The following ABCA13 variants were observed in gnomAD, a reference collection of about 807,000 sequenced individuals.
ABCA13 encodes ATP-binding cassette sub-family A member 13.
ABCA13 carries 476 observed loss-of-function variants against 478.7 expected under a neutral mutation model. That is an observed-to-expected ratio of 0.99 (90% CI 0.92 to 1.07). The LOEUF is 1.07. Ranked by LOEUF, ABCA13 falls within the 50% of genes least tolerant of loss-of-function variation. The probability of loss-of-function intolerance (pLI) is 0.00; values close to 1 mark genes in which losing one functional copy is unlikely to be tolerated. For synonymous variants in ABCA13, 2,252 were observed against 2,158.9 expected (o/e 1.04, Z -1.20); for missense variants, 6,060 against 5,910.6 (o/e 1.03, Z -0.83).
Position 48,646,415 on chromosome 7 carries a change from G to A in ABCA13, c.*903G>A, listed in dbSNP as rs1381960932. ...GACCTATTGAATCTCAAATTCTGGG[G>A]CTTAAACAAGCACATTCCAAGTTAA... On this transcript the variant is annotated 3_prime_UTR_variant, in exon 62 of 62. Coordinates refer to ENST00000435803, the MANE Select transcript of ABCA13 (RefSeq NM_152701.5). The A allele has an allele frequency of 6.6e-6, 1 of 152,148 alleles. No individual in the cohort carries two copies. Among genetic ancestry groups the A allele is most frequent in the African/African-American group, 2.4e-5 (1 of 41,434 alleles). 9.4% of individuals were successfully genotyped at this position (152,148 alleles called of 1,614,324 possible).
chr7:48,297,279 T>C lies in ABCA13; in HGVS notation c.9167T>C (p.Met3056Thr). The part of the protein sequence containing the change: ...EETWSSGNPI[M>T]TFLSNFTVTE... ...ACTTGGTCATCAGGGAATCCCATCA[T>C]GACTTTTCTCAGCAATTTCACAGTA... Residue 3056 changes from methionine (M) to threonine (T), a missense_variant, in exon 22 of 62, where the codon ATG (methionine) becomes ACG (threonine). Met to Thr is a moderately conservative substitution (Grantham distance 81). This residue lies in a region of ABCA13 where 4,423 missense variants were observed against 4,309.1 expected (regional missense o/e 1.03). Transcript: ENST00000435803. 3 of 1,609,752 alleles carry C rather than the reference T, an allele frequency of 1.9e-6. No homozygotes were observed. Among genetic ancestry groups the C allele is most frequent in the Non-Finnish European group, 2.5e-6 (3 of 1,177,962 alleles).
intron 47 of ABCA13, among the ~76,000 whole-genome samples, chr7:48,487,569 G>C (rs1829450706): frequency 6.6e-6 from 1 of 152,052 alleles, no homozygotes; most frequent in South Asian, 2.1e-4. Flanking sequence ...CCTTAATTCA[G>C]GGCAGGGACT....
intron 29 of ABCA13, among the ~76,000 whole-genome samples, chr7:48,344,754 G>C (rs1289138089): frequency 6.6e-6 from 1 of 152,132 alleles, no homozygotes; most frequent in African/African-American, 2.4e-5. Flanking sequence ...CCTGTCCTCT[G>C]TAATCCATCT....
At position 48,389,226 on chromosome 7, in the gene ABCA13, T is replaced by G. The variant is rs1218783195; in HGVS notation, c.11654+6T>G. The G allele has an allele frequency of 6.2e-7, 1 of 1,611,962 alleles. No homozygotes were observed. Among genetic ancestry groups the G allele is most frequent in the African/African-American group, 1.3e-5 (1 of 74,866 alleles). ...GCCGGGAAAACCACTATCATGTGGGTCCCATTTTACCCTTATCAAACACTG... is the reference window on the plus strand; with the variant it reads ...GCCGGGAAAACCACTATCATGTGGGGCCCATTTTACCCTTATCAAACACTG... On this transcript the variant is annotated splice_donor_region_variant and intron_variant, in intron 37 of 61. Coordinates refer to ENST00000435803, the MANE Select transcript of ABCA13 (RefSeq NM_152701.5).
At chr7:48,543,839 A>G (rs1784574026) in intron 55 of ABCA13, among the ~76,000 whole-genome samples, 1 of 150,292 alleles carries the variant, frequency 6.7e-6, no homozygotes, top group African/African-American at 2.5e-5. Flanking sequence ...GGACACTGTT[A>G]TATGCTTATC....
chr7:48,297,254 A>G lies in ABCA13; in HGVS notation c.9142A>G (p.Thr3048Ala). Residue 3048 changes from threonine to alanine, a missense_variant, in exon 22 of 62, where the codon ACT becomes GCT. Coordinates refer to ENST00000435803, the MANE Select transcript of ABCA13 (RefSeq NM_152701.5). ...LYMLAKSLEE[T>A]WSSGNPIMTF... is the part of the protein sequence containing the mutation. Reference sequence around the variant, plus strand: ...TAGGTTGGCCAAAAGCCTCGAGGAAACTTGGTCATCAGGGAATCCCATCAT... The same window carrying G: ...TAGGTTGGCCAAAAGCCTCGAGGAAGCTTGGTCATCAGGGAATCCCATCAT... 3.7e-6 allele frequency: 6 copies of G among 1,607,816 alleles called. No individual in the cohort carries two copies. Among genetic ancestry groups the G allele is most frequent in the Non-Finnish European group, 5.1e-6 (6 of 1,177,008 alleles).
chr7:48,621,025 C>T (rs1793079580), intron 59 of ABCA13, among the ~76,000 whole-genome samples: 1 of 152,146 alleles, frequency 6.6e-6, no homozygotes, highest in Non-Finnish European at 1.5e-5. Context: ...CAGCATCACT[C>T]AGGTGCTTTC....
chr7:48,190,910 A>G (rs908746020), intron 1 of ABCA13, among the ~76,000 whole-genome samples: 9 of 152,196 alleles, frequency 5.9e-5, no homozygotes, highest in Non-Finnish European at 1.3e-4. Flanking sequence ...GTCAAAAGTT[A>G]TATGAGTCTT....
intron 8 of ABCA13, 112 bp from the exon 9 acceptor site, chr7:48,239,129 A>C: frequency 6.2e-6 from 7 of 1,124,578 alleles, no homozygotes; most frequent in Non-Finnish European, 8.9e-6. Flanking sequence ...TACTTCTTCA[A>C]TCAAGCAAAT....
At chr7:48,393,379 C>T (rs1405179185) in intron 38 of ABCA13, among the ~76,000 whole-genome samples, 1 of 152,186 alleles carries the variant, frequency 6.6e-6, no homozygotes, top group Non-Finnish European at 1.5e-5. Flanking sequence ...AATGGATGGA[C>T]TTTGCAAAGC....
intron 31 of ABCA13, among the ~76,000 whole-genome samples, chr7:48,358,195 A>G (rs1227850180): frequency 7.5e-6 from 1 of 133,462 alleles, no homozygotes; most frequent in Non-Finnish European, 1.6e-5. Flanking sequence ...ACAGGACAGG[A>G]CAGGAAAGGA....
Position 48,433,331 on chromosome 7 carries a change from A to G in ABCA13, c.12565+5460A>G, listed in dbSNP as rs535282223. Among the ~76,000 whole-genome samples, 36 of 151,676 alleles carry G rather than the reference A, an allele frequency of 2.4e-4. No individual in the cohort carries two copies. The East Asian group carries it at 6.6e-3, about 28-fold the overall frequency. The stretch of plus-strand genomic sequence containing the variant: ...CTGAAAATAATTAAAAAACAAAGAA[A>G]AATAAAAATAAGTACAGTACTCAAA... On this transcript the variant is annotated intron_variant, in intron 42 of 61. Coordinates refer to ENST00000435803, the MANE Select transcript of ABCA13 (RefSeq NM_152701.5).
intron 1 of ABCA13, among the ~76,000 whole-genome samples, chr7:48,172,390 G>C (rs551196814): frequency 6.6e-6 from 1 of 152,002 alleles, no homozygotes; most frequent in Non-Finnish European, 1.5e-5. Context: ...TGAATCCTCC[G>C]AGCCAGAATA....
intron 48 of ABCA13, among the ~76,000 whole-genome samples, chr7:48,505,078 C>A (rs1831084180): frequency 6.6e-6 from 1 of 152,144 alleles, no homozygotes; most frequent in Non-Finnish European, 1.5e-5. Context: ...CGAGCCTGGA[C>A]CAGAATATCT....
chr7:48,498,967 T>C (rs1301535374), intron 48 of ABCA13, among the ~76,000 whole-genome samples: 13 of 152,154 alleles, frequency 8.5e-5, no homozygotes, highest in African/African-American at 3.1e-4. Context: ...ATATAAAACT[T>C]AATAATAATG....
chr7:48,181,751 A>G lies in ABCA13; in HGVS notation c.69+10199A>G, dbSNP rs550872382. ...TTTATTTTTTTTAAAGCACTGAAAC[A>G]TCACACTATGTTCTAATATTTTGTA... On this transcript the variant is annotated intron_variant, in intron 1 of 61. Coordinates refer to ENST00000435803, the MANE Select transcript of ABCA13 (RefSeq NM_152701.5). Among the ~76,000 whole-genome samples, 45 of 152,270 alleles carry G rather than the reference A, an allele frequency of 3.0e-4. 1 individual carries two copies. The highest frequency in any genetic ancestry group is 1.6e-3 in the Admixed American group (24 of 15,298).
intron 55 of ABCA13, among the ~76,000 whole-genome samples, chr7:48,562,594 A>C (rs1786579810): frequency 6.6e-6 from 1 of 152,166 alleles, no homozygotes; most frequent in East Asian, 1.9e-4. Context: ...AATCAAATAT[A>C]ATTCTGAAGT....
intron 55 of ABCA13, among the ~76,000 whole-genome samples, chr7:48,571,627 A>T (rs1787657569): frequency 6.6e-6 from 1 of 152,106 alleles, no homozygotes; most frequent in African/African-American, 2.4e-5. Flanking sequence ...CATTGCCATC[A>T]TGATTCTCCC....
chr7:48,340,357 C>T (rs55841631), intron 29 of ABCA13, among the ~76,000 whole-genome samples: 3,882 of 152,236 alleles, frequency 0.025, 173 homozygotes, highest in African/African-American at 0.088. Flanking sequence ...CCTCCTGCCT[C>T]GGCCTCCCAA....
Sources: allele counts gnomAD v4.1 joint callset (sites outside exome capture counted in the v4.1 genomes callset), GRCh38; gene constraint gnomAD v4.1.1; regional missense constraint gnomAD v4.1.1; transcripts MANE v1.5; gene names NCBI Gene and HGNC (gene_info 2026-07-23, HGNC 2026-07-21).